The following XRN2 variants were observed in gnomAD, a reference collection of about 807,000 sequenced individuals.
XRN2 encodes DHM1-like protein.
In XRN2, 44 loss-of-function variants were observed where a neutral mutation model predicts 138.5. The ratio of observed to expected loss-of-function variants is 0.32; its 90% CI spans 0.25 to 0.41. The LOEUF (loss-of-function observed/expected upper bound fraction) is 0.41. XRN2 is among the 10% of genes least tolerant of loss of function. XRN2 has a pLI of 1.00. For synonymous variants in XRN2, 354 were observed against 369.4 expected (o/e 0.96, Z 0.48); for missense variants, 937 against 1,169.3 (o/e 0.80, Z 2.90).
chr20:21,315,453 G>A (rs1466448109), intron 1 of XRN2, among the ~76,000 whole-genome samples: 1 of 152,138 alleles, frequency 6.6e-6, no homozygotes, highest in Non-Finnish European at 1.5e-5. Context: ...GGCCATCTGT[G>A]TATCTTTTGG....
intron 1 of XRN2, 28 bp downstream of exon 1, chr20:21,303,501 C>T: frequency 6.5e-7 from 1 of 1,534,892 alleles, no homozygotes; most frequent in African/African-American, 1.4e-5. Flanking sequence ...GGCCGCCACA[C>T]TCGAGCCCGG....
intron 24 of XRN2, among the ~76,000 whole-genome samples, chr20:21,364,652 C>G (rs2038674245): frequency 6.6e-6 from 1 of 151,918 alleles, no homozygotes; most frequent in Non-Finnish European, 1.5e-5. Flanking sequence ...ACAAAAAATA[C>G]AAAAATTAGC....
At chr20:21,332,813 C>T (rs1032581949) in intron 9 of XRN2, among the ~76,000 whole-genome samples, 1 of 152,160 alleles carries the variant, frequency 6.6e-6, no homozygotes, top group Non-Finnish European at 1.5e-5. Flanking sequence ...GGCTTAGTTC[C>T]CATAGATAAT....
At chr20:21,328,109 T>C (rs897612267) in intron 3 of XRN2, among the ~76,000 whole-genome samples, 1 of 152,218 alleles carries the variant, frequency 6.6e-6, no homozygotes, top group East Asian at 1.9e-4. Flanking sequence ...TGAGACATTG[T>C]GGATCCCATT....
At chr20:21,339,704 T>A (rs935537743) in intron 14 of XRN2, among the ~76,000 whole-genome samples, 1 of 152,240 alleles carries the variant, frequency 6.6e-6, no homozygotes, top group Non-Finnish European at 1.5e-5. Flanking sequence ...AGGCCTCCCT[T>A]CTTGGTTATG....
At chr20:21,333,868 C>T (rs879326681) in intron 11 of XRN2, 31 bp downstream of exon 11, 2 of 1,614,084 alleles carry the variant, frequency 1.2e-6, no homozygotes, top group Admixed American at 1.7e-5. Context: ...TTTCAAACGA[C>T]TGTTTTAGGC....
intron 27 of XRN2, among the ~76,000 whole-genome samples, chr20:21,377,411 C>T (rs2038837325): frequency 6.6e-6 from 1 of 151,684 alleles, no homozygotes; most frequent in Non-Finnish European, 1.5e-5. Context: ...TATGCACCAC[C>T]ATGCCCAGCT....
intron 27 of XRN2, among the ~76,000 whole-genome samples, chr20:21,381,195 G>A (rs759588055): frequency 2.0e-5 from 3 of 151,996 alleles, no homozygotes; most frequent in Non-Finnish European, 4.4e-5. Context: ...CCTTGGTCTC[G>A]GGAGTCTAGA....
rs549775073 is a variant in XRN2 at position 21,358,881 on chromosome 20, G to T, written c.2255+1089G>T. Among the ~76,000 whole-genome samples the T allele has an allele frequency of 7.5e-4, 114 of 152,250 alleles. 1 individual carries two copies. Among genetic ancestry groups the T allele is most frequent in the South Asian group, 4.8e-3 (23 of 4,820 alleles). On this transcript the variant is annotated intron_variant, in intron 24 of 29. Coordinates refer to ENST00000377191, the MANE Select transcript of XRN2 (RefSeq NM_012255.5). ...TCCTAAACCCATCACAAACAATCTG[G>T]CTCTGACAGATTCAGTGTGAACACT...
chr20:21,335,671 A>AT (rs1237618610), intron 13 of XRN2, among the ~76,000 whole-genome samples: 2 of 152,202 alleles, frequency 1.3e-5, no homozygotes, highest in African/African-American at 2.4e-5. Context: ...TTTTTCAACA[A>AT]TTATGGTGGC....
intron 18 of XRN2, 36 bp from the exon 19 acceptor site, chr20:21,348,305 A>G: frequency 6.2e-7 from 1 of 1,612,280 alleles, no homozygotes; most frequent in Non-Finnish European, 8.5e-7. Context: ...GGATTAGATA[A>G]TAATCTTGGG....
rs2122233453 is a variant in XRN2 at position 21,340,651 on chromosome 20, TC to T, written c.1279-69del. ...AGTTTGGACTTTATTCCATTGCCCT[TC>T]TTTCCTTTCTGTCATCTAACTGTGT... On this transcript the variant is annotated intron_variant, in intron 14 of 29. Transcript: ENST00000377191. 5.1e-6 allele frequency: 8 copies of T among 1,556,534 alleles called. No individual in the cohort carries two copies. The East Asian group carries it at 1.1e-4, about 22-fold the overall frequency.
At chr20:21,362,007 T>C (rs2038642096) in intron 24 of XRN2, among the ~76,000 whole-genome samples, 1 of 152,216 alleles carries the variant, frequency 6.6e-6, no homozygotes, top group Non-Finnish European at 1.5e-5. Flanking sequence ...TCATAAATAG[T>C]GTCCTCATCT....
At chr20:21,383,220 C>T (rs2038904014) in intron 28 of XRN2, among the ~76,000 whole-genome samples, 1 of 152,166 alleles carries the variant, frequency 6.6e-6, no homozygotes, top group Non-Finnish European at 1.5e-5. Context: ...AGTATATGTT[C>T]TGAAAGCACA....
chr20:21,330,553 T>C lies in XRN2; in HGVS notation c.486+14T>C. 6.2e-7 allele frequency: 1 copy of C among 1,613,876 alleles called. No homozygotes were observed. The highest frequency in any genetic ancestry group is 8.5e-7 in the Non-Finnish European group (1 of 1,179,920). ...TGTATTACACCAGTAAGTAGTCTCA[T>C]ACTTTGCTAGCTATTGCTAACTCTT... On this transcript the variant is annotated intron_variant, in intron 5 of 29. Coordinates refer to ENST00000377191, the MANE Select transcript of XRN2 (RefSeq NM_012255.5).
At chr20:21,353,328 C>T (rs922754184) in intron 20 of XRN2, among the ~76,000 whole-genome samples, 14 of 147,440 alleles carry the variant, frequency 9.5e-5, no homozygotes, top group African/African-American at 3.3e-4. Flanking sequence ...TGATATAGTT[C>T]TCTTAAGTGT....
intron 29 of XRN2, among the ~76,000 whole-genome samples, chr20:21,388,360 T>G (rs938270593): frequency 1.3e-5 from 2 of 152,214 alleles, no homozygotes; most frequent in African/African-American, 4.8e-5. Context: ...ATTGGTAAAT[T>G]TATTATTCTT....
At chr20:21,385,975 T>C (rs1275264434) in intron 28 of XRN2, among the ~76,000 whole-genome samples, 3 of 152,188 alleles carry the variant, frequency 2.0e-5, no homozygotes, top group African/African-American at 7.2e-5. Flanking sequence ...TTCCATAAAA[T>C]AGAAGTTATG....
rs1168089131 is a variant in XRN2, at chr20:21,389,553, T to C, written c.*215T>C. 1 of 422,128 alleles carries C rather than the reference T, an allele frequency of 2.4e-6. No individual in the cohort carries two copies. Among genetic ancestry groups the C allele is most frequent in the Non-Finnish European group, 4.2e-6 (1 of 239,646 alleles). The allele number at this position is 422,128 out of a possible 1,614,324, so 26.1% of individuals were successfully genotyped here. A position where few individuals can be genotyped will look rare whatever the true frequency, so the allele number is the denominator to read the frequency against. The stretch of plus-strand genomic sequence containing the variant: ...CAGTGGATCTGAATTTATTATTGCT[T>C]ATAAAACACATTTGATGGAATAGGA... On this transcript the variant is annotated 3_prime_UTR_variant, in exon 30 of 30. Transcript: ENST00000377191.
Sources: gnomAD v4.1 joint callset for allele counts (sites outside exome capture counted in the v4.1 genomes callset) on GRCh38, gnomAD v4.1.1 for gene constraint, MANE v1.5 for transcripts, NCBI Gene and HGNC (gene_info 2026-07-23, HGNC 2026-07-21) for gene names.